FGFR3: variants seen among roughly 807,000 people sequenced by gnomAD.
FGFR3 encodes fibroblast growth factor receptor 3, also known as FGFR-3.
In FGFR3, 25 loss-of-function variants were observed where a neutral mutation model predicts 82.9. The ratio of observed to expected loss-of-function variants is 0.30; its 90% confidence interval spans 0.22 to 0.42. FGFR3 has a LOEUF of 0.42. Ranked by LOEUF, FGFR3 falls within the 10% of genes least tolerant of loss-of-function variation. The pLI, the probability that FGFR3 is intolerant of heterozygous loss-of-function variation, is 1.00. For synonymous variants in FGFR3, 620 were observed against 516.0 expected (o/e 1.20, Z -2.73); for missense variants, 1,026 against 1,161.0 (o/e 0.88, Z 1.69).
At position 1,805,536 on chromosome 4, in the gene FGFR3, C is replaced by T. The variant is rs368413679; in HGVS notation, c.1535-23C>T. ...CTGGGGGCGCCGCCGCCGCCTGACA[C>T]AGGCCCCCCGCTCCGTGCACAGACG... On this transcript the variant is annotated intron_variant, in intron 11 of 17. Transcript: ENST00000440486. The T allele has an allele frequency of 6.2e-6, 10 of 1,612,628 alleles. No homozygotes were observed. The African/African-American group carries it at 9.3e-5, about 15-fold the overall frequency.
At chr4:1,796,629 G>T (rs3135854) in intron 2 of FGFR3, among the ~76,000 whole-genome samples, 48 of 152,106 alleles carry the variant, frequency 3.2e-4, no homozygotes, top group African/African-American at 8.9e-4. Flanking sequence ...ATGGAGCAAG[G>T]CTCCCCCATC....
At position 1,806,943 on chromosome 4, in the gene FGFR3, T is replaced by A; in HGVS notation, c.2274+9T>A. 6.3e-7 allele frequency: 1 copy of A among 1,591,860 alleles called. No homozygotes were observed. Among genetic ancestry groups the A allele is most frequent in the Non-Finnish European group, 8.6e-7 (1 of 1,169,274 alleles). On this transcript the variant is annotated intron_variant, in intron 17 of 17. Transcript: ENST00000440486. Reference sequence around the variant, plus strand: ...CCGTGACGTCCACCGACGTGAGTGCTGGCTCTGGCCTGGTGCCACCCGCCT... The same window carrying A: ...CCGTGACGTCCACCGACGTGAGTGCAGGCTCTGGCCTGGTGCCACCCGCCT...
intron 4 of FGFR3, 116 bp downstream of exon 4, chr4:1,799,928 A>G: frequency 8.5e-7 from 1 of 1,170,034 alleles, no homozygotes; most frequent in Non-Finnish European, 1.2e-6. Context: ...CCCTGGGGTC[A>G]CCCCGAAGGT....
chr4:1,807,483 C>T lies in FGFR3; in HGVS notation c.*221C>T. 1.3e-6 allele frequency: 1 copy of T among 746,806 alleles called. No individual in the cohort carries two copies. Among genetic ancestry groups the T allele is most frequent in the Middle Eastern group, 2.4e-4 (1 of 4,198 alleles). 46.3% of individuals were successfully genotyped at this position (746,806 alleles called of 1,614,324 possible). A position where few individuals can be genotyped will look rare whatever the true frequency, so the allele number is the denominator to read the frequency against. ...CCAGGTGCAGAGGTACCCTGGGTGT[C>T]CCCGCTGCTGTGCAACGGTCTCCTG... is the stretch of plus-strand genomic sequence containing the variant. On this transcript the variant is annotated 3_prime_UTR_variant, in exon 18 of 18. Transcript: ENST00000440486.
rs1249367175 is a variant in FGFR3 at position 1,804,875 on chromosome 4, A to G, written c.1318A>G (p.Ile440Val). The G allele has an allele frequency of 7.1e-6, 11 of 1,549,960 alleles. No homozygotes were observed. In the South Asian group the frequency reaches 9.5e-5, roughly 13 times the overall value. ...SMSSNTPLVRIARLSSGEGPT... is the reference protein window; with the variant it reads ...SMSSNTPLVRVARLSSGEGPT... ...GAGCTCCAACACACCACTGGTGCGC[A>G]TCGCAAGGCTGTCCTCAGGGGAGGG... The change falls in exon 10 of 18, where the codon ATC becomes GTC. Residue 440 changes from isoleucine to valine, a missense_variant. This residue lies in a region of FGFR3 where 256 missense variants were observed against 217.6 expected (regional missense o/e 1.18). Transcript: ENST00000440486.
rs753958040 is a variant in FGFR3, at chr4:1,806,819, C to G, written c.2169-10C>G. On this transcript the variant is annotated splice_polypyrimidine_tract_variant and intron_variant, in intron 16 of 17. Transcript: ENST00000440486. ...GCGGCGGGGCTCACTCCTGAGCGCCCTGCCCGCAGGTACATGATCATGCGG... is the reference window on the plus strand; with the variant it reads ...GCGGCGGGGCTCACTCCTGAGCGCCGTGCCCGCAGGTACATGATCATGCGG... 3.8e-6 allele frequency: 6 copies of G among 1,597,558 alleles called. No individual in the cohort carries two copies. In the African/African-American group the frequency reaches 4.0e-5, roughly 11 times the overall value.
chr4:1,804,889 C>T lies in FGFR3; in HGVS notation c.1332C>T (p.Ser444=), dbSNP rs769521432. The change falls in exon 10 of 18, where the codon TCC becomes TCT. Residue 444 remains serine (S), a synonymous_variant. Coordinates refer to ENST00000440486, the MANE Select transcript of FGFR3 (RefSeq NM_000142.5). Reference sequence around the variant, plus strand: ...CACTGGTGCGCATCGCAAGGCTGTCCTCAGGGGAGGGCCCCACGCTGGCCA... The same window carrying T: ...CACTGGTGCGCATCGCAAGGCTGTCTTCAGGGGAGGGCCCCACGCTGGCCA... ...NTPLVRIARL[S]SGEGPTLANV... 7.1e-6 allele frequency: 11 copies of T among 1,550,134 alleles called. No individual in the cohort carries two copies. In the South Asian group the frequency reaches 7.1e-5, roughly 10 times the overall value.
intron 2 of FGFR3, among the ~76,000 whole-genome samples, chr4:1,795,081 C>T (rs1381257093): frequency 2.6e-5 from 4 of 151,860 alleles, no homozygotes; most frequent in African/African-American, 7.3e-5. Context: ...GCGCCCCTTT[C>T]TCCGTCGGCG....
chr4:1,807,684 C>G lies in FGFR3; in HGVS notation c.*422C>G. The G allele has an allele frequency of 1.6e-6, 1 of 621,236 alleles. No homozygotes were observed. Among genetic ancestry groups the G allele is most frequent in the East Asian group, 3.3e-5 (1 of 30,638 alleles). 38.5% of individuals were successfully genotyped at this position (621,236 alleles called of 1,614,324 possible). A position where few individuals can be genotyped will look rare whatever the true frequency, so the allele number is the denominator to read the frequency against. On this transcript the variant is annotated 3_prime_UTR_variant, in exon 18 of 18. Coordinates refer to ENST00000440486, the MANE Select transcript of FGFR3 (RefSeq NM_000142.5). Reference sequence around the variant, plus strand: ...GCCTCGGCCCCTCCCACACCCAAAGCTGAGCCTGCAGGGAAGCCCCACATG... The same window carrying G: ...GCCTCGGCCCCTCCCACACCCAAAGGTGAGCCTGCAGGGAAGCCCCACATG...
intron 2 of FGFR3, among the ~76,000 whole-genome samples, chr4:1,796,297 C>G (rs1222285037): frequency 6.6e-6 from 1 of 152,178 alleles, no homozygotes; most frequent in African/African-American, 2.4e-5. Context: ...CCAGATAACC[C>G]TGGCAAGCCC....
In FGFR3 at chr4:1,808,176, A is replaced by G. The variant is rs180944260; in HGVS notation, c.*914A>G. 1 of 232,284 alleles carries G rather than the reference A, an allele frequency of 4.3e-6. No individual in the cohort carries two copies. Among genetic ancestry groups the G allele is most frequent in the East Asian group, 6.1e-5 (1 of 16,482 alleles). 14.4% of individuals were successfully genotyped at this position (232,284 alleles called of 1,614,324 possible). On this transcript the variant is annotated 3_prime_UTR_variant, in exon 18 of 18. Transcript: ENST00000440486. The stretch of plus-strand genomic sequence containing the variant: ...ACACTTCCAGCATTTAGCTGGCCAC[A>G]TGGCGGAGAGTTTTAATTTTTAACT...
rs1431751073 is a variant in FGFR3 at position 1,807,403 on chromosome 4, G to C, written c.*141G>C. On this transcript the variant is annotated 3_prime_UTR_variant, in exon 18 of 18. Transcript: ENST00000440486. ...TTGGTCTGTGTGTGTGTGTGTGCGT[G>C]TGTGTGTGTGTGTGTGCACATCCGC... 1.9e-5 allele frequency: 7 copies of C among 364,276 alleles called. No homozygotes were observed. The highest frequency in any genetic ancestry group is 6.7e-5 in the South Asian group (1 of 14,976). 22.6% of individuals were successfully genotyped at this position (364,276 alleles called of 1,614,324 possible).
rs1330992098 is a variant in FGFR3 at position 1,807,364 on chromosome 4, A to G, written c.*102A>G. The G allele has an allele frequency of 1.4e-6, 2 of 1,461,872 alleles. No homozygotes were observed. The highest frequency in any genetic ancestry group is 2.0e-5 in the Admixed American group (1 of 50,836). 90.6% of individuals were successfully genotyped at this position (1,461,872 alleles called of 1,614,324 possible). ...TGAGACTCAGTGCAGATGGAGAGACAGCTACACAGAGCTTTGGTCTGTGTG... is the reference window on the plus strand; with the variant it reads ...TGAGACTCAGTGCAGATGGAGAGACGGCTACACAGAGCTTTGGTCTGTGTG... On this transcript the variant is annotated 3_prime_UTR_variant, in exon 18 of 18. Coordinates refer to ENST00000440486, the MANE Select transcript of FGFR3 (RefSeq NM_000142.5).
chr4:1,803,866 G>A (rs3135886), intron 8 of FGFR3, 30 bp downstream of exon 8: 28 of 1,605,212 alleles, frequency 1.7e-5, no homozygotes, highest in African/African-American at 8.0e-5. Context: ...CTGCTGCTCC[G>A]CACTGTCTGG....
At chr4:1,794,623 G>A (rs1017691004) in intron 2 of FGFR3, among the ~76,000 whole-genome samples, 1 of 152,164 alleles carries the variant, frequency 6.6e-6, no homozygotes, top group East Asian at 1.9e-4. Context: ...GGCAAGCGAG[G>A]GGCGCGTGTC....
At chr4:1,798,348 C>G (rs939608192) in intron 2 of FGFR3, among the ~76,000 whole-genome samples, 14 of 152,022 alleles carry the variant, frequency 9.2e-5, no homozygotes, top group Admixed American at 2.6e-4. Flanking sequence ...GGCAGCAGGA[C>G]TCCACCCCCC....
At position 1,799,240 on chromosome 4, in the gene FGFR3, C is replaced by T; in HGVS notation, c.110-14C>T. 1 of 1,612,108 alleles carries T rather than the reference C, an allele frequency of 6.2e-7. No individual in the cohort carries two copies. Among genetic ancestry groups the T allele is most frequent in the South Asian group, 1.1e-5 (1 of 91,022 alleles). On this transcript the variant is annotated splice_polypyrimidine_tract_variant and intron_variant, in intron 2 of 17. Coordinates refer to ENST00000440486, the MANE Select transcript of FGFR3 (RefSeq NM_000142.5). ...TGGGGGTGCCTGCCTCATGGTTGCC[C>T]ATCTTCCCCACAGAAGTCCCGGGCC...
chr4:1,803,441 G>A (rs947449997), intron 7 of FGFR3, among the ~76,000 whole-genome samples: 2 of 152,222 alleles, frequency 1.3e-5, no homozygotes, highest in Admixed American at 1.3e-4. Flanking sequence ...GCGCTAACCC[G>A]CATGCTGCCT....
At chr4:1,800,778 G>C (rs535733455) in intron 4 of FGFR3, among the ~76,000 whole-genome samples, 1 of 152,320 alleles carries the variant, frequency 6.6e-6, no homozygotes, top group African/African-American at 2.4e-5. Context: ...CCTGAGGAAG[G>C]AGAAAAACCA....
Sources: allele counts gnomAD v4.1 joint callset (sites outside exome capture counted in the v4.1 genomes callset), GRCh38; gene constraint gnomAD v4.1.1; regional missense constraint gnomAD v4.1.1; transcripts MANE v1.5; gene names NCBI Gene and HGNC (gene_info 2026-07-23, HGNC 2026-07-21).